Variants in STX7 observed in about 807,000 individuals in gnomAD.
STX7 encodes syntaxin-7.
In STX7, 34 loss-of-function variants were observed where a neutral mutation model predicts 39.6. The ratio of observed to expected loss-of-function variants is 0.86; its 90% CI spans 0.65 to 1.14. The LOEUF (loss-of-function observed/expected upper bound fraction) is 1.14. STX7 is among the 50% of genes most tolerant of loss of function. STX7 has a pLI of 0.00. For synonymous variants in STX7, 119 were observed against 99.1 expected, an observed-to-expected ratio of 1.20 and a Z score of -1.19; for missense variants, 284 against 310.4, an observed-to-expected ratio of 0.92 and a Z score of 0.64.
In STX7 at chr6:132,469,995, G is replaced by A. The variant is rs781228048; in HGVS notation, c.493C>T (p.Leu165Phe). The change falls in exon 7 of 10, where the codon CTC becomes TTC. Residue 165 changes from leucine to phenylalanine, a missense_variant. Leu to Phe is a conservative substitution (Grantham distance 22). Transcript: ENST00000367941. ...GATTCTCTCTCATGAATAAGACGGA[G>A]GTCATCCTCTGTAATTTCTTCATCC... Reference protein sequence around the residue: ...VQDEEITEDDLRLIHERESSI... With the variant: ...VQDEEITEDDFRLIHERESSI... 1.3e-6 allele frequency: 2 copies of A among 1,599,254 alleles called. No homozygotes were observed. Among genetic ancestry groups the A allele is most frequent in the South Asian group, 2.3e-5 (2 of 88,286 alleles).
Position 132,508,316 on chromosome 6 carries a change from G to GT in STX7, c.-59+4690dup, listed in dbSNP as rs527420439. Reference sequence around the variant, plus strand: ...CCAGTGTAGCCCAAGTCTTCTCACTGTTTTCTTTCAAGGCCACCTTTTTTC... The same window carrying GT: ...CCAGTGTAGCCCAAGTCTTCTCACTGTTTTTCTTTCAAGGCCACCTTTTTTC... On this transcript the variant is annotated intron_variant, in intron 1 of 9. Transcript: ENST00000367941. Among the ~76,000 whole-genome samples the GT allele has an allele frequency of 1.7e-3, 260 of 152,262 alleles. 5 individuals are homozygous for GT. The South Asian group carries it at 0.048, about 28-fold the overall frequency.
intron 2 of STX7, among the ~76,000 whole-genome samples, chr6:132,481,320 C>T (rs1286946353): frequency 6.6e-6 from 1 of 151,800 alleles, no homozygotes; most frequent in East Asian, 1.9e-4. Flanking sequence ...ACCACAGAGC[C>T]AATCTTTGGA....
Position 132,446,463 on chromosome 6 carries a change from C to T in STX7, c.*14295G>A, listed in dbSNP as rs148953163. ...GGGAAAACAAAAGTCTTCCTAGATA[C>T]AAGAATGAGGTTTTAAGAGATAATC... On this transcript the variant is annotated 3_prime_UTR_variant, in exon 10 of 10. Transcript: ENST00000367941. 7.2e-5 allele frequency: 11 copies of T among 152,112 alleles called. No homozygotes were observed. Among genetic ancestry groups the T allele is most frequent in the Admixed American group, 6.5e-4 (10 of 15,276 alleles). The allele number at this position is 152,112 out of a possible 1,614,324, so 9.4% of individuals were successfully genotyped here.
intron 2 of STX7, among the ~76,000 whole-genome samples, chr6:132,498,953 T>C (rs1562338064): frequency 6.6e-6 from 1 of 152,306 alleles, no homozygotes; most frequent in Admixed American, 6.5e-5. Flanking sequence ...CTCAACACAT[T>C]TGCTAAACCC....
chr6:132,496,432 T>C (rs1369494591), intron 2 of STX7, among the ~76,000 whole-genome samples: 1 of 152,150 alleles, frequency 6.6e-6, no homozygotes, highest in Non-Finnish European at 1.5e-5. Context: ...TCTGACAGGA[T>C]ACAAACCTCT....
At chr6:132,509,786 TAGAC>T (rs1775802723) in intron 1 of STX7, among the ~76,000 whole-genome samples, 2 of 152,270 alleles carry the variant, frequency 1.3e-5, no homozygotes, top group East Asian at 3.9e-4. Context: ...TATACAAGCA[TAGAC>T]AGACAGGATA....
chr6:132,462,173 G>A (rs1582644314), intron 9 of STX7, among the ~76,000 whole-genome samples: 1 of 152,198 alleles, frequency 6.6e-6, no homozygotes, highest in East Asian at 1.9e-4. Flanking sequence ...TCCCCCTAGC[G>A]TGGGGTAATG....
At chr6:132,475,708 G>A (rs1774857447) in intron 2 of STX7, 46 bp from the exon 3 acceptor site, 3 of 1,376,162 alleles carry the variant, frequency 2.2e-6, no homozygotes, top group Admixed American at 1.9e-5. Flanking sequence ...AAAAGTTAAG[G>A]TAACAGAAAG....
chr6:132,493,901 C>G (rs1426163779), intron 2 of STX7, among the ~76,000 whole-genome samples: 1 of 152,156 alleles, frequency 6.6e-6, no homozygotes, highest in African/African-American at 2.4e-5. Context: ...GTAGCCACTA[C>G]ACAACTAACC....
At chr6:132,485,180 A>ATATC (rs1554250219) in intron 2 of STX7, among the ~76,000 whole-genome samples, 1 of 152,152 alleles carries the variant, frequency 6.6e-6, no homozygotes, top group Non-Finnish European at 1.5e-5. Flanking sequence ...TCCCTCCTGC[A>ATATC]TATCTGTTCC....
chr6:132,500,591 C>T (rs1306955577), intron 2 of STX7, among the ~76,000 whole-genome samples: 1 of 152,148 alleles, frequency 6.6e-6, no homozygotes, highest in Non-Finnish European at 1.5e-5. Flanking sequence ...AGTTAAGTTG[C>T]TCATTATTTC....
At chr6:132,465,620 TTTCTC>T (rs1423636436) in intron 8 of STX7, among the ~76,000 whole-genome samples, 1 of 152,204 alleles carries the variant, frequency 6.6e-6, no homozygotes, top group Non-Finnish European at 1.5e-5. Context: ...TACGTCATAC[TTTCTC>T]TTCTCTCCTC....
chr6:132,487,996 G>A (rs79270717), intron 2 of STX7, among the ~76,000 whole-genome samples: 1 of 152,054 alleles, frequency 6.6e-6, no homozygotes, highest in Non-Finnish European at 1.5e-5. Context: ...GTCATGATTT[G>A]AGACCTGTCT....
At chr6:132,501,544 C>T (rs1356920601) in intron 2 of STX7, among the ~76,000 whole-genome samples, 1 of 152,170 alleles carries the variant, frequency 6.6e-6, no homozygotes, top group African/African-American at 2.4e-5. Flanking sequence ...GGGAACATGG[C>T]CTGATTTAAG....
In STX7 at chr6:132,453,989, C is replaced by T. The variant is rs762755031; in HGVS notation, c.*6769G>A. On this transcript the variant is annotated 3_prime_UTR_variant, in exon 10 of 10. Transcript: ENST00000367941. Reference sequence around the variant, plus strand: ...AAAACTTGTACACAAATGTTTATAGCAACTTTATTTATAGTAGCCAAAAAC... The same window carrying T: ...AAAACTTGTACACAAATGTTTATAGTAACTTTATTTATAGTAGCCAAAAAC... The T allele has an allele frequency of 1.3e-5, 2 of 152,030 alleles. No homozygotes were observed. The highest frequency in any genetic ancestry group is 6.5e-5 in the Admixed American group (1 of 15,272). 9.4% of individuals were successfully genotyped at this position (152,030 alleles called of 1,614,324 possible).
chr6:132,491,618 C>G (rs1259700897), intron 2 of STX7, among the ~76,000 whole-genome samples: 2 of 152,148 alleles, frequency 1.3e-5, no homozygotes, highest in Non-Finnish European at 2.9e-5. Flanking sequence ...GCTGACGATC[C>G]TTCCACCATC....
intron 2 of STX7, among the ~76,000 whole-genome samples, chr6:132,482,262 C>G (rs949689502): frequency 1.1e-4 from 16 of 152,178 alleles, no homozygotes; most frequent in Non-Finnish European, 2.9e-5. Flanking sequence ...GTACCAGGCA[C>G]AGCGAGAGGG....
chr6:132,447,776 C>T lies in STX7; in HGVS notation c.*12982G>A, dbSNP rs934082587. ...ATTCTACTTTTTGTCTTTCTCTGTC[C>T]TTGTACTGTCTTTTGTAAACTGTAT... On this transcript the variant is annotated 3_prime_UTR_variant, in exon 10 of 10. Coordinates refer to ENST00000367941, the MANE Select transcript of STX7 (RefSeq NM_003569.3). The T allele has an allele frequency of 3.3e-5, 5 of 151,850 alleles. No individual in the cohort carries two copies. Among genetic ancestry groups the T allele is most frequent in the African/African-American group, 1.2e-4 (5 of 41,368 alleles). 9.4% of individuals were successfully genotyped at this position (151,850 alleles called of 1,614,324 possible).
chr6:132,479,271 G>A (rs1349228364), intron 2 of STX7, among the ~76,000 whole-genome samples: 5 of 151,896 alleles, frequency 3.3e-5, no homozygotes, highest in African/African-American at 7.3e-5. Context: ...ACCATCCAGC[G>A]AGTTCAAGTG....
Sources: gnomAD v4.1 joint callset for allele counts (sites outside exome capture counted in the v4.1 genomes callset) on GRCh38, gnomAD v4.1.1 for gene constraint, MANE v1.5 for transcripts, NCBI Gene and HGNC (gene_info 2026-07-23, HGNC 2026-07-21) for gene names.